TMEM135: variants seen among roughly 807,000 people sequenced by gnomAD.
TMEM135 encodes transmembrane protein 135, also known as peroxisomal membrane protein 52.
A neutral mutation model predicts 60.3 loss-of-function variants in TMEM135; 30 were observed. The observed-to-expected ratio is 0.50, with a 90% CI of 0.37 to 0.68. The LOEUF is 0.68. Ranked by LOEUF, TMEM135 falls within the 30% of genes least tolerant of loss-of-function variation. TMEM135 has a pLI of 0.00. For synonymous variants in TMEM135, 190 were observed against 186.7 expected (o/e 1.02, Z -0.14); for missense variants, 468 against 548.8 (o/e 0.85, Z 1.47).
At chr11:87,224,148 G>A (rs1427231544) in intron 5 of TMEM135, among the ~76,000 whole-genome samples, 1 of 152,218 alleles carries the variant, frequency 6.6e-6, no homozygotes, top group East Asian at 1.9e-4. Context: ...ACGTACTCAT[G>A]TGCTGTAATT....
rs1337361201 is a variant in TMEM135 at position 87,323,542 on chromosome 11, GTTTA to G, written c.*2215_*2218del. 1 of 453,000 alleles carries G rather than the reference GTTTA, an allele frequency of 2.2e-6. No homozygotes were observed. The highest frequency in any genetic ancestry group is 4.4e-6 in the Non-Finnish European group (1 of 226,504). 28.1% of individuals were successfully genotyped at this position (453,000 alleles called of 1,614,324 possible). On this transcript the variant is annotated 3_prime_UTR_variant, in exon 15 of 15. Transcript: ENST00000305494. The stretch of plus-strand genomic sequence containing the variant: ...TCTGCATTCCAAAATATGTTTTTTA[GTTTA>G]TTTATATCCTGAAGAAATGGTAAGT...
intron 4 of TMEM135, among the ~76,000 whole-genome samples, chr11:87,152,232 T>C (rs1938575036): frequency 1.3e-5 from 2 of 152,218 alleles, no homozygotes; most frequent in Admixed American, 1.3e-4. Context: ...TTTTGTGTTC[T>C]GTCTGTCCCT....
At chr11:87,302,196 A>G in intron 7 of TMEM135, 100 bp from the exon 8 acceptor site, 2 of 1,243,008 alleles carry the variant, frequency 1.6e-6, no homozygotes. Context: ...AAATGATAAA[A>G]TACTTGCCAA....
rs1327265058 is a variant in TMEM135, at chr11:87,313,437, T to A, written c.949T>A (p.Phe317Ile). 1 of 1,611,154 alleles carries A rather than the reference T, an allele frequency of 6.2e-7. No individual in the cohort carries two copies. Among genetic ancestry groups the A allele is most frequent in the East Asian group, 2.2e-5 (1 of 44,744 alleles). Reference protein sequence around the residue: ...FVSIYKGTSCFLRWIRNLDDE... With the variant: ...FVSIYKGTSCILRWIRNLDDE... Reference sequence around the variant, plus strand: ...TCTCCTTAACTAGGGTACTAGTTGCTTCCTGCGCTGGATCAGAAACTTAGA... The same window carrying A: ...TCTCCTTAACTAGGGTACTAGTTGCATCCTGCGCTGGATCAGAAACTTAGA... Residue 317 changes from phenylalanine to isoleucine, a missense_variant, in exon 11 of 15, where the codon TTC (phenylalanine) becomes ATC (isoleucine). By Grantham distance (21) the Phe-to-Ile change is conservative. Coordinates refer to ENST00000305494, the MANE Select transcript of TMEM135 (RefSeq NM_022918.4).
At chr11:87,274,560 G>A (rs1941932153) in intron 6 of TMEM135, among the ~76,000 whole-genome samples, 1 of 152,100 alleles carries the variant, frequency 6.6e-6, no homozygotes, top group Non-Finnish European at 1.5e-5. Flanking sequence ...CAAAAATTCT[G>A]TACTGACTCA....
intron 4 of TMEM135, among the ~76,000 whole-genome samples, chr11:87,115,250 C>A (rs1057429005): frequency 1.3e-5 from 2 of 152,038 alleles, no homozygotes; most frequent in Non-Finnish European, 2.9e-5. Flanking sequence ...ATGCTCAAGT[C>A]CTATAGCATA....
intron 11 of TMEM135, among the ~76,000 whole-genome samples, chr11:87,314,025 T>C (rs1317763683): frequency 6.6e-6 from 1 of 151,846 alleles, no homozygotes; most frequent in African/African-American, 2.4e-5. Flanking sequence ...TGGCCTTGGT[T>C]TTCCATTTAT....
At chr11:87,176,220 C>T (rs958593052) in intron 5 of TMEM135, among the ~76,000 whole-genome samples, 1 of 151,994 alleles carries the variant, frequency 6.6e-6, no homozygotes, top group African/African-American at 2.4e-5. Flanking sequence ...AGTTTCTATT[C>T]TGTTAGTTCC....
At chr11:87,149,331 T>G (rs150989427) in intron 4 of TMEM135, among the ~76,000 whole-genome samples, 60 of 152,344 alleles carry the variant, frequency 3.9e-4, no homozygotes, top group African/African-American at 1.4e-3. Context: ...TTTACTTATG[T>G]GTTCCTATAC....
intron 3 of TMEM135, among the ~76,000 whole-genome samples, chr11:87,079,350 G>T (rs919135024): frequency 6.6e-6 from 1 of 152,152 alleles, no homozygotes; most frequent in Non-Finnish European, 1.5e-5. Context: ...TTACATTTAA[G>T]TCTTTCATCC....
intron 5 of TMEM135, among the ~76,000 whole-genome samples, chr11:87,236,172 CTA>C (rs139109823): frequency 0.064 from 9,685 of 151,770 alleles, 384 homozygotes; most frequent in South Asian, 0.12. Context: ...TCTATCCCGT[CTA>C]TATATGTATG....
intron 10 of TMEM135, among the ~76,000 whole-genome samples, chr11:87,313,192 T>C (rs1045826086): frequency 1.3e-5 from 2 of 151,772 alleles, no homozygotes; most frequent in Non-Finnish European, 3.0e-5. Context: ...TTTTGCAAAA[T>C]CAGTGCAATA....
chr11:87,325,789 T>G lies in TMEM135; in HGVS notation c.*4456T>G. ...ATGGAAGGAGATGTTTCTCTGTATG[T>G]GAAGCCTTTAAATCCAGAACAATTA... is the stretch of plus-strand genomic sequence containing the variant. On this transcript the variant is annotated 3_prime_UTR_variant, in exon 15 of 15. Transcript: ENST00000305494. 2.2e-6 allele frequency: 1 copy of G among 454,054 alleles called. No homozygotes were observed. The highest frequency in any genetic ancestry group is 4.4e-6 in the Non-Finnish European group (1 of 226,782). 28.1% of individuals were successfully genotyped at this position (454,054 alleles called of 1,614,324 possible).
At chr11:87,075,468 T>A in intron 3 of TMEM135, among the ~76,000 whole-genome samples, 1 of 152,132 alleles carries the variant, frequency 6.6e-6, no homozygotes, top group East Asian at 1.9e-4. Context: ...TTTTTATTTT[T>A]ATATTAAGTA....
chr11:87,209,550 AG>A (rs1400341381), intron 5 of TMEM135, among the ~76,000 whole-genome samples: 2 of 152,230 alleles, frequency 1.3e-5, no homozygotes, highest in African/African-American at 4.8e-5. Context: ...TTCATAAAAC[AG>A]GTTCTTATAG....
At chr11:87,168,411 A>G (rs1024665343) in intron 5 of TMEM135, among the ~76,000 whole-genome samples, 2 of 152,030 alleles carry the variant, frequency 1.3e-5, no homozygotes, top group Non-Finnish European at 2.9e-5. Flanking sequence ...TGTTGATTTT[A>G]GATCTTTCCC....
intron 6 of TMEM135, among the ~76,000 whole-genome samples, chr11:87,260,139 A>G (rs952581963): frequency 6.6e-6 from 1 of 152,244 alleles, no homozygotes; most frequent in Non-Finnish European, 1.5e-5. Flanking sequence ...CAGAACAAGA[A>G]TAATATTAAA....
At chr11:87,123,988 TG>T (rs1348710082) in intron 4 of TMEM135, among the ~76,000 whole-genome samples, 3 of 152,332 alleles carry the variant, frequency 2.0e-5, no homozygotes, top group Admixed American at 6.5e-5. Flanking sequence ...TGAAACTAAG[TG>T]ATGATAATGT....
chr11:87,084,486 T>A (rs1857055150), intron 3 of TMEM135, among the ~76,000 whole-genome samples: 2 of 152,142 alleles, frequency 1.3e-5, no homozygotes, highest in African/African-American at 4.8e-5. Context: ...TTTTTTATTT[T>A]TGGTAGAGAT....
Sources: allele counts gnomAD v4.1 joint callset (sites outside exome capture counted in the v4.1 genomes callset), GRCh38; gene constraint gnomAD v4.1.1; transcripts MANE v1.5; gene names NCBI Gene and HGNC (gene_info 2026-07-23, HGNC 2026-07-21).